The following GRM5 variants were observed in gnomAD, a reference collection of about 807,000 sequenced individuals.
The protein encoded by GRM5 is glutamate metabotropic receptor 5, also known as metabotropic glutamate receptor 5.
In GRM5, 19 loss-of-function variants were observed where a neutral mutation model predicts 83.1. The observed-to-expected ratio is 0.23, with a 90% CI of 0.16 to 0.34. GRM5 has a LOEUF of 0.34. Ranked by LOEUF, GRM5 falls within the 10% of genes least tolerant of loss-of-function variation. GRM5 has a pLI of 1.00. For missense variants in GRM5, 1,160 were observed against 1,588.3 expected (o/e 0.73, Z 4.58); for synonymous variants, 675 against 633.6 (o/e 1.07, Z -0.98).
chr11:88,525,245 A>C, intron 9 of GRM5, 64 bp downstream of exon 9: 1 of 930,946 alleles, frequency 1.1e-6, no homozygotes, highest in Non-Finnish European at 1.8e-6. Flanking sequence ...CCAGGGAGCC[A>C]CATGTTCCTC....
At chr11:88,903,891 T>C (rs1337100032) in intron 2 of GRM5, among the ~76,000 whole-genome samples, 1 of 152,178 alleles carries the variant, frequency 6.6e-6, no homozygotes, top group Non-Finnish European at 1.5e-5. Flanking sequence ...ATTCCATATA[T>C]TTATTAAAAA....
intron 3 of GRM5, among the ~76,000 whole-genome samples, chr11:88,835,859 T>C (rs1362567029): frequency 1.3e-5 from 2 of 152,212 alleles, no homozygotes; most frequent in Non-Finnish European, 2.9e-5. Context: ...TTCAAATGCA[T>C]TGCCTGTTGC....
chr11:88,638,479 C>G (rs1004085152), intron 4 of GRM5, among the ~76,000 whole-genome samples: 4 of 151,710 alleles, frequency 2.6e-5, no homozygotes, highest in African/African-American at 9.7e-5. Context: ...GGTTTTGGTA[C>G]CTGTAATTCT....
intron 3 of GRM5, among the ~76,000 whole-genome samples, chr11:88,762,799 A>G (rs56938884): frequency 0.029 from 4,356 of 152,136 alleles, 215 homozygotes; most frequent in African/African-American, 0.098. Context: ...AGACTGGTAA[A>G]GAAAACATAG....
At chr11:88,647,205 A>T (rs1450733949) in intron 4 of GRM5, among the ~76,000 whole-genome samples, 1 of 152,090 alleles carries the variant, frequency 6.6e-6, no homozygotes, top group Non-Finnish European at 1.5e-5. Context: ...ACCCTACTAC[A>T]GTATGACTTC....
chr11:88,848,803 A>G (rs867754295), intron 3 of GRM5, among the ~76,000 whole-genome samples: 22 of 152,230 alleles, frequency 1.4e-4, no homozygotes, highest in African/African-American at 4.1e-4. Flanking sequence ...AGTGTTCTGG[A>G]TGAAATTAAC....
intron 2 of GRM5, among the ~76,000 whole-genome samples, chr11:88,915,066 A>G (rs1352777696): frequency 6.6e-6 from 1 of 152,210 alleles, no homozygotes; most frequent in African/African-American, 2.4e-5. Context: ...ATTTTCCAGA[A>G]GATGGAATAA....
chr11:88,754,624 A>G lies in GRM5; in HGVS notation c.911+95282T>C, dbSNP rs555676280. On this transcript the variant is annotated intron_variant, in intron 3 of 9. Coordinates refer to ENST00000305447, the MANE Select transcript of GRM5 (RefSeq NM_001143831.3). ...TACACTCCCAGATGTATCCTTATCA[A>G]TTCCTACATTTTCTATAAAAAATTT... 1.4e-4 allele frequency among the ~76,000 whole-genome samples: 22 copies of G among 152,244 alleles called. 1 individual carries two copies. The highest frequency in any genetic ancestry group is 4.8e-4 in the African/African-American group (20 of 41,546).
intron 3 of GRM5, among the ~76,000 whole-genome samples, chr11:88,729,489 G>A (rs1941757982): frequency 6.6e-6 from 1 of 152,182 alleles, no homozygotes; most frequent in South Asian, 2.1e-4. Context: ...TCCCCATCAG[G>A]CTACCATTGA....
chr11:88,995,508 G>T (rs1292391116), intron 2 of GRM5, among the ~76,000 whole-genome samples: 18 of 127,706 alleles, frequency 1.4e-4, no homozygotes, highest in Admixed American at 1.0e-4. Flanking sequence ...TCATGCCACT[G>T]CACTCCAGCC....
At chr11:88,998,415 G>A (rs998458421) in intron 2 of GRM5, among the ~76,000 whole-genome samples, 6 of 152,092 alleles carry the variant, frequency 3.9e-5, no homozygotes, top group Admixed American at 3.3e-4. Flanking sequence ...TATAGGAATA[G>A]AGAGAAATTA....
At chr11:89,009,522 T>C (rs933043881) in intron 2 of GRM5, among the ~76,000 whole-genome samples, 2 of 152,102 alleles carry the variant, frequency 1.3e-5, no homozygotes, top group African/African-American at 4.8e-5. Context: ...TTAAGTAATA[T>C]AATAAAGTAT....
intron 2 of GRM5, among the ~76,000 whole-genome samples, chr11:88,888,255 G>GC (rs1945078600): frequency 6.6e-6 from 1 of 152,182 alleles, no homozygotes; most frequent in Admixed American, 6.5e-5. Context: ...ATGGAGGGAT[G>GC]TTATGTTGCT....
intron 3 of GRM5, among the ~76,000 whole-genome samples, chr11:88,662,393 G>A (rs184256628): frequency 6.6e-6 from 1 of 152,198 alleles, no homozygotes; most frequent in African/African-American, 2.4e-5. Context: ...TTTTATTTAA[G>A]AGACATGTAT....
At chr11:88,727,915 G>T (rs1020558217) in intron 3 of GRM5, among the ~76,000 whole-genome samples, 1 of 152,030 alleles carries the variant, frequency 6.6e-6, no homozygotes, top group Admixed American at 6.6e-5. Flanking sequence ...ATGCCCACAG[G>T]GGAAAGCAGG....
intron 2 of GRM5, among the ~76,000 whole-genome samples, chr11:88,976,006 A>G (rs1591012407): frequency 6.6e-6 from 1 of 152,204 alleles, no homozygotes; most frequent in Non-Finnish European, 1.5e-5. Flanking sequence ...ACACTTTCAC[A>G]TGAATATTCA....
At chr11:88,767,487 T>C (rs1942646315) in intron 3 of GRM5, among the ~76,000 whole-genome samples, 2 of 152,010 alleles carry the variant, frequency 1.3e-5, no homozygotes, top group Admixed American at 1.3e-4. Context: ...TGGAATACTA[T>C]GCAGCCATAC....
chr11:88,971,310 G>C (rs752912136), intron 2 of GRM5, among the ~76,000 whole-genome samples: 1 of 151,764 alleles, frequency 6.6e-6, no homozygotes, highest in Non-Finnish European at 1.5e-5. Context: ...TAGGTTCACC[G>C]GCACATGTGC....
chr11:88,738,069 T>G (rs2135413515), intron 3 of GRM5, among the ~76,000 whole-genome samples: 1 of 150,772 alleles, frequency 6.6e-6, no homozygotes, highest in East Asian at 2.0e-4. Flanking sequence ...GAGTATTTTT[T>G]GAAGCAAGAC....
Sources: allele counts gnomAD v4.1 joint callset (sites outside exome capture counted in the v4.1 genomes callset), GRCh38; gene constraint gnomAD v4.1.1; transcripts MANE v1.5; gene names NCBI Gene and HGNC (gene_info 2026-07-23, HGNC 2026-07-21).